The following LYZL1 variants were observed in gnomAD, a reference collection of about 807,000 sequenced individuals.
The protein encoded by LYZL1 is lysozyme like 1.
A neutral mutation model predicts 17.9 loss-of-function variants in LYZL1; 16 were observed. The ratio of observed to expected loss-of-function variants is 0.90; its 90% CI spans 0.61 to 1.36. The LOEUF is 1.36. Ranked by LOEUF, LYZL1 falls within the 40% of genes most tolerant of loss-of-function variation. The pLI is 0.00. For missense variants in LYZL1, 149 were observed against 188.4 expected, an observed-to-expected ratio of 0.79 and a Z score of 1.22; for synonymous variants, 58 against 71.8, an observed-to-expected ratio of 0.81 and a Z score of 0.97.
At chr10:29,297,899 C>T (rs1486436399) in intron 3 of LYZL1, among the ~76,000 whole-genome samples, 1 of 152,150 alleles carries the variant, frequency 6.6e-6, no homozygotes, top group African/African-American at 2.4e-5. Context: ...GACTTCTCAA[C>T]CACAACACTG....
intron 3 of LYZL1, among the ~76,000 whole-genome samples, chr10:29,316,308 C>T (rs1047545003): frequency 7.9e-5 from 12 of 152,158 alleles, no homozygotes; most frequent in Admixed American, 4.6e-4. Context: ...GAAACTGTTC[C>T]GATTCACAGA....
rs114937502 is a variant in LYZL1 at position 29,302,198 on chromosome 10, T to A, written c.299-7912T>A. On this transcript the variant is annotated intron_variant, in intron 3 of 4. Coordinates refer to ENST00000649382, the MANE Select transcript of LYZL1 (RefSeq NM_032517.6). ...AAGGAATCATTTTTTATTGAATACA[T>A]ACATAGTGTGTGTGTTGATGGCTGT... 2.6e-3 allele frequency among the ~76,000 whole-genome samples: 390 copies of A among 152,374 alleles called. 1 individual carries two copies. The highest frequency in any genetic ancestry group is 9.1e-3 in the African/African-American group (379 of 41,592).
chr10:29,303,358 T>C (rs1835547287), intron 3 of LYZL1, among the ~76,000 whole-genome samples: 1 of 152,140 alleles, frequency 6.6e-6, no homozygotes. Context: ...GTCACAGGGT[T>C]CACTGTGTTT....
intron 3 of LYZL1, among the ~76,000 whole-genome samples, chr10:29,301,574 G>A (rs1237857439): frequency 2.0e-5 from 3 of 152,062 alleles, no homozygotes; most frequent in Non-Finnish European, 2.9e-5. Flanking sequence ...TTTGTCCCCT[G>A]TATGTAATAT....
At chr10:29,308,308 G>A (rs746249881) in intron 3 of LYZL1, among the ~76,000 whole-genome samples, 1 of 152,190 alleles carries the variant, frequency 6.6e-6, no homozygotes, top group Non-Finnish European at 1.5e-5. Flanking sequence ...ATGTGGGCCC[G>A]ACTTGGGCCA....
At chr10:29,304,346 G>A (rs942099428) in intron 3 of LYZL1, among the ~76,000 whole-genome samples, 1 of 152,066 alleles carries the variant, frequency 6.6e-6, no homozygotes, top group African/African-American at 2.4e-5. Flanking sequence ...GTGTAGTCTA[G>A]TGCACTTATA....
chr10:29,291,287 G>A (rs1219986191), intron 1 of LYZL1, among the ~76,000 whole-genome samples: 1 of 152,116 alleles, frequency 6.6e-6, no homozygotes, highest in East Asian at 1.9e-4. Flanking sequence ...ATAAGGAAGA[G>A]AAGATACATT....
At chr10:29,306,803 T>C (rs1296734872) in intron 3 of LYZL1, among the ~76,000 whole-genome samples, 1 of 137,680 alleles carries the variant, frequency 7.3e-6, no homozygotes, top group African/African-American at 2.8e-5. Context: ...TGTATGTGTG[T>C]GTGTGTGTGT....
At chr10:29,310,888 G>A (rs1425664132) in intron 4 of LYZL1, 102 bp from the exon 5 acceptor site, 4 of 1,576,754 alleles carry the variant, frequency 2.5e-6, no homozygotes, top group Non-Finnish European at 3.5e-6. Flanking sequence ...CCCAACCCAG[G>A]GTTCCGCTGG....
chr10:29,315,475 C>T (rs903213043), downstream of LYZL1, among the ~76,000 whole-genome samples: 4 of 152,024 alleles, frequency 2.6e-5, no homozygotes, highest in Admixed American at 6.5e-5. Context: ...TGCATCACTG[C>T]ACTCCAGCCT....
At position 29,310,070 on chromosome 10, in the gene LYZL1, CAA is replaced by C. The variant is rs376849735; in HGVS notation, c.299-38_299-37del. On this transcript the variant is annotated intron_variant, in intron 3 of 4. Transcript: ENST00000649382. Reference sequence around the variant, plus strand: ...TTGAGTTGAGGTCCCTCTCCAACAACAAAGTCTCGCCTAACCCTGATGTCTTC... The same window carrying C: ...TTGAGTTGAGGTCCCTCTCCAACAACAGTCTCGCCTAACCCTGATGTCTTC... 1.7e-4 allele frequency: 252 copies of C among 1,469,362 alleles called. No individual in the cohort carries two copies. The African/African-American group carries it at 2.8e-3, about 16-fold the overall frequency. 91.0% of individuals were successfully genotyped at this position (1,469,362 alleles called of 1,614,324 possible). A position where few individuals can be genotyped will look rare whatever the true frequency, so the allele number is the denominator to read the frequency against.
At position 29,311,153 on chromosome 10, in the gene LYZL1, T is replaced by C; in HGVS notation, c.*94T>C. On this transcript the variant is annotated 3_prime_UTR_variant, in exon 5 of 5. Transcript: ENST00000649382. Reference sequence around the variant, plus strand: ...GTCATCTTGTCCCGTTTCCTCCCAATATTCCTTCTCAAACTTGGAGAGGGA... The same window carrying C: ...GTCATCTTGTCCCGTTTCCTCCCAACATTCCTTCTCAAACTTGGAGAGGGA... The C allele has an allele frequency of 1.2e-6, 2 of 1,608,792 alleles. 1 individual carries two copies. Among genetic ancestry groups the C allele is most frequent in the South Asian group, 2.2e-5 (2 of 90,110 alleles).
downstream of LYZL1, among the ~76,000 whole-genome samples, chr10:29,313,861 C>T (rs1835700197): frequency 6.6e-6 from 1 of 152,214 alleles, no homozygotes; most frequent in East Asian, 1.9e-4. Flanking sequence ...TTACCAGATA[C>T]ACTGAGCAGA....
chr10:29,290,490 C>G (rs1430922992), intron 1 of LYZL1, among the ~76,000 whole-genome samples: 2 of 152,132 alleles, frequency 1.3e-5, no homozygotes, highest in African/African-American at 2.4e-5. Flanking sequence ...AGGAGGCCCC[C>G]CGGAGCACTG....
At chr10:29,314,704 T>C (rs1835709060), downstream of LYZL1, among the ~76,000 whole-genome samples, 2 of 152,226 alleles carry the variant, frequency 1.3e-5, no homozygotes, top group African/African-American at 4.8e-5. Flanking sequence ...AGACCTTGCA[T>C]CTAGAACATT....
chr10:29,290,407 C>T lies in LYZL1; in HGVS notation c.-26+1177C>T, dbSNP rs1835345981. ...GGTCTCTTTATTGCCCCTCTGCTCC[C>T]CCAGGTGCTTTCCTCCTTTCATGAG... On this transcript the variant is annotated intron_variant, in intron 1 of 4. Transcript: ENST00000649382. 2.0e-5 allele frequency among the ~76,000 whole-genome samples: 3 copies of T among 152,294 alleles called. No individual in the cohort carries two copies. In the South Asian group the frequency reaches 6.2e-4, roughly 32 times the overall value.
chr10:29,306,544 C>G (rs917432914), intron 3 of LYZL1, among the ~76,000 whole-genome samples: 1 of 73,300 alleles, frequency 1.4e-5, no homozygotes, highest in African/African-American at 6.6e-5. Context: ...AGCGAGACTC[C>G]GTCTCAAAAA....
chr10:29,313,221 AT>A (rs1270271497), downstream of LYZL1, among the ~76,000 whole-genome samples: 5 of 152,272 alleles, frequency 3.3e-5, no homozygotes, highest in African/African-American at 1.2e-4. Context: ...CCATCTAAGA[AT>A]TGAAAAGTAA....
chr10:29,300,314 G>A (rs948436839), intron 3 of LYZL1, among the ~76,000 whole-genome samples: 3 of 151,668 alleles, frequency 2.0e-5, no homozygotes, highest in Non-Finnish European at 4.4e-5. Flanking sequence ...GTTTTTAGTA[G>A]TTACTCTAGG....
Sources: gnomAD v4.1 joint callset for allele counts (sites outside exome capture counted in the v4.1 genomes callset) on GRCh38, gnomAD v4.1.1 for gene constraint, MANE v1.5 for transcripts, NCBI Gene and HGNC (gene_info 2026-07-23, HGNC 2026-07-21) for gene names.